ARHGAP32: variants seen among roughly 807,000 people sequenced by gnomAD.
ARHGAP32 encodes Rho GTPase activating protein 32, also known as rho GTPase-activating protein 32.
A neutral mutation model predicts 186.5 loss-of-function variants in ARHGAP32; 51 were observed. The ratio of observed to expected loss-of-function variants is 0.27; its 90% CI spans 0.22 to 0.35. The LOEUF (loss-of-function observed/expected upper bound fraction) is 0.35, where lower values mean the gene tolerates loss of function less well. ARHGAP32 is among the 10% of genes least tolerant of loss of function. The probability of loss-of-function intolerance (pLI) is 1.00; values close to 1 mark genes in which losing one functional copy is unlikely to be tolerated. For missense variants in ARHGAP32, 2,186 were observed against 2,623.5 expected (o/e 0.83, Z 3.64); for synonymous variants, 950 against 964.3 (o/e 0.99, Z 0.27).
chr11:128,986,772 A>C, intron 13 of ARHGAP32, 104 bp from the exon 14 acceptor site: 181 of 1,046,392 alleles, frequency 1.7e-4, no homozygotes, highest in Middle Eastern at 2.5e-4. Flanking sequence ...GCTCTATCTC[A>C]GTGAGTTGCT....
intron 6 of ARHGAP32, among the ~76,000 whole-genome samples, chr11:129,075,155 A>G (rs923017748): frequency 6.6e-6 from 1 of 152,232 alleles, no homozygotes; most frequent in East Asian, 1.9e-4. Flanking sequence ...TATTAATCCA[A>G]CTACATCAAT....
chr11:129,076,866 G>C (rs186742360), intron 6 of ARHGAP32, among the ~76,000 whole-genome samples: 31 of 152,260 alleles, frequency 2.0e-4, no homozygotes, highest in African/African-American at 6.7e-4. Flanking sequence ...ACCAAAAGAA[G>C]TCACAAACCG....
In ARHGAP32 at chr11:128,973,368, T is replaced by C. The variant is rs770103135; in HGVS notation, c.3138A>G (p.Pro1046=). Residue 1046 remains proline (P), a synonymous_variant, in exon 22 of 23, where the codon CCA becomes CCG. Transcript: ENST00000682385. ...GGGCAACATTTTTCGGAGGCGGTGG[T>C]GGTGGGATAAGAGAGACTGAACTGA... The part of the protein sequence containing the change: ...VPVSSVSLIP[P]PPPPKNVARM... 2 of 1,613,810 alleles carry C rather than the reference T, an allele frequency of 1.2e-6. No homozygotes were observed. Among genetic ancestry groups the C allele is most frequent in the South Asian group, 2.2e-5 (2 of 91,058 alleles).
At chr11:129,275,863 C>A (rs1463433883) in intron 1 of ARHGAP32, among the ~76,000 whole-genome samples, 1 of 152,258 alleles carries the variant, frequency 6.6e-6, no homozygotes, top group Non-Finnish European at 1.5e-5. Flanking sequence ...GGCCTGCAGG[C>A]TACAGTTTGC....
At position 129,145,440 on chromosome 11, in the gene ARHGAP32, T is replaced by C. The variant is rs539034076; in HGVS notation, c.225+18879A>G. Reference sequence around the variant, plus strand: ...GAAAAATTTCTAATAAAGGAAGAAATAGCAAGATCCTAGACCACCATGACA... The same window carrying C: ...GAAAAATTTCTAATAAAGGAAGAAACAGCAAGATCCTAGACCACCATGACA... On this transcript the variant is annotated intron_variant, in intron 2 of 22. Transcript: ENST00000682385. Among the ~76,000 whole-genome samples, 4 of 131,542 alleles carry C rather than the reference T, an allele frequency of 3.0e-5. No homozygotes were observed. The South Asian group carries it at 7.2e-4, about 24-fold the overall frequency. The allele number at this position is 131,542 out of a possible 152,430, so 86.3% of individuals were successfully genotyped here.
At position 129,161,822 on chromosome 11, in the gene ARHGAP32, T is replaced by C. The variant is rs564956111; in HGVS notation, c.225+2497A>G. On this transcript the variant is annotated intron_variant, in intron 2 of 22. Coordinates refer to ENST00000682385, the MANE Select transcript of ARHGAP32 (RefSeq NM_001378024.1). ...TATATACCCAAAGTATTATAAATCA[T>C]TCTACTATAAAGACAAATGCACACG... Among the ~76,000 whole-genome samples, 4 of 152,304 alleles carry C rather than the reference T, an allele frequency of 2.6e-5. No homozygotes were observed. The South Asian group carries it at 8.3e-4, about 32-fold the overall frequency.
At chr11:129,055,879 T>A (rs1441920977) in intron 10 of ARHGAP32, among the ~76,000 whole-genome samples, 1 of 152,222 alleles carries the variant, frequency 6.6e-6, no homozygotes, top group Non-Finnish European at 1.5e-5. Flanking sequence ...ACCCAGAGAA[T>A]GCACACCAAG....
chr11:129,127,003 A>C (rs1942677953), intron 2 of ARHGAP32, among the ~76,000 whole-genome samples: 1 of 152,226 alleles, frequency 6.6e-6, no homozygotes, highest in Non-Finnish European at 1.5e-5. Context: ...TAAAAATATA[A>C]AAGAATAAAA....
chr11:129,259,426 GAA>G (rs537786285), intron 1 of ARHGAP32, among the ~76,000 whole-genome samples: 1 of 151,278 alleles, frequency 6.6e-6, no homozygotes, highest in Admixed American at 6.6e-5. Context: ...CACTTTGGAA[GAA>G]AAAAAAGAGT....
chr11:128,986,981 C>T (rs918531051), intron 13 of ARHGAP32, among the ~76,000 whole-genome samples: 1 of 152,160 alleles, frequency 6.6e-6, no homozygotes, highest in South Asian at 2.1e-4. Flanking sequence ...CTCCTAATTG[C>T]TAATGACTTG....
At chr11:129,112,565 T>C (rs1295460632) in intron 5 of ARHGAP32, among the ~76,000 whole-genome samples, 1 of 152,188 alleles carries the variant, frequency 6.6e-6, no homozygotes, top group Non-Finnish European at 1.5e-5. Context: ...TTAAAAACTT[T>C]CCATGCAGAT....
intron 1 of ARHGAP32, among the ~76,000 whole-genome samples, chr11:129,171,253 T>G (rs953075097): frequency 6.6e-6 from 1 of 152,370 alleles, no homozygotes; most frequent in African/African-American, 2.4e-5. Flanking sequence ...CCCATGCCTA[T>G]GTCCTGAATG....
rs765097732 is a variant in ARHGAP32 at position 128,998,433 on chromosome 11, G to T, written c.1081C>A (p.Arg361=). The T allele has an allele frequency of 1.9e-6, 3 of 1,588,674 alleles. No individual in the cohort carries two copies. The African/African-American group carries it at 4.0e-5, about 21-fold the overall frequency. The change falls in exon 12 of 23, where the codon CGA becomes AGA. Residue 361 remains arginine (R), a synonymous_variant. Transcript: ENST00000682385. ...GTTGGACGAGACTTCATGAATGTTC[G>T]TAAGAACGTAATGAGCTTGCCGTGC... is the stretch of plus-strand genomic sequence containing the variant. The part of the protein sequence containing the change: ...KKHGKLITFL[R]TFMKSRPTKQ...
At chr11:129,202,557 A>G (rs1944467281) in intron 1 of ARHGAP32, among the ~76,000 whole-genome samples, 1 of 152,226 alleles carries the variant, frequency 6.6e-6, no homozygotes, top group East Asian at 1.9e-4. Flanking sequence ...TATGCGATAT[A>G]AATAAGAAAA....
intron 1 of ARHGAP32, among the ~76,000 whole-genome samples, chr11:129,226,963 T>C (rs1013281512): frequency 6.6e-6 from 1 of 152,108 alleles, no homozygotes; most frequent in African/African-American, 2.4e-5. Context: ...CATAGGTAAG[T>C]ATGAATGACA....
At chr11:129,248,172 G>A (rs560560494) in intron 1 of ARHGAP32, among the ~76,000 whole-genome samples, 57 of 149,460 alleles carry the variant, frequency 3.8e-4, no homozygotes, top group Non-Finnish European at 5.3e-4. Flanking sequence ...TTAGCAAGGC[G>A]TGGTGGCAGG....
At chr11:129,089,558 G>A (rs932961132) in intron 6 of ARHGAP32, among the ~76,000 whole-genome samples, 1 of 152,208 alleles carries the variant, frequency 6.6e-6, no homozygotes, top group Admixed American at 6.5e-5. Flanking sequence ...ACCACAGCAT[G>A]CGAGTGAGGA....
chr11:129,263,769 C>T (rs1945357045), intron 1 of ARHGAP32, among the ~76,000 whole-genome samples: 1 of 151,980 alleles, frequency 6.6e-6, no homozygotes, highest in Non-Finnish European at 1.5e-5. Flanking sequence ...AAACTGGAAC[C>T]TTTGAGCACT....
chr11:129,130,806 C>A (rs1415325056), intron 2 of ARHGAP32, among the ~76,000 whole-genome samples: 1 of 152,106 alleles, frequency 6.6e-6, no homozygotes, highest in Non-Finnish European at 1.5e-5. Flanking sequence ...TCCTACTAAG[C>A]ATACTCCATG....
Sources: gnomAD v4.1 joint callset for allele counts (sites outside exome capture counted in the v4.1 genomes callset) on GRCh38, gnomAD v4.1.1 for gene constraint, MANE v1.5 for transcripts, NCBI Gene and HGNC (gene_info 2026-07-23, HGNC 2026-07-21) for gene names.